The following SLC8A1 variants were observed in gnomAD, a reference collection of about 807,000 sequenced individuals.
SLC8A1 encodes sodium/calcium exchanger 1.
SLC8A1 carries 18 observed loss-of-function variants against 68.3 expected under a neutral mutation model. The ratio of observed to expected loss-of-function variants is 0.26; its 90% CI spans 0.18 to 0.39. SLC8A1 has a LOEUF of 0.39. Among genes scored for constraint, SLC8A1 ranks in the 10% least tolerant of loss-of-function variants. The probability of loss-of-function intolerance (pLI) is 1.00; values close to 1 mark genes in which losing one functional copy is unlikely to be tolerated. For missense variants in SLC8A1, 985 were observed against 1,156.7 expected, an observed-to-expected ratio of 0.85 and a Z score of 2.15; for synonymous variants, 475 against 415.5, an observed-to-expected ratio of 1.14 and a Z score of -1.74.
In SLC8A1 at chr2:40,413,733, A is replaced by G. The variant is rs1692931662; in HGVS notation, c.1808+14740T>C. 2.6e-5 allele frequency among the ~76,000 whole-genome samples: 4 copies of G among 152,230 alleles called. No individual in the cohort carries two copies. In the South Asian group the frequency reaches 8.3e-4, roughly 31 times the overall value. Reference sequence around the variant, plus strand: ...TCTTTAAGAGGGAGCTCAAAGGCATACAGAAGTATAAGACATGCCAAGAAG... The same window carrying G: ...TCTTTAAGAGGGAGCTCAAAGGCATGCAGAAGTATAAGACATGCCAAGAAG... On this transcript the variant is annotated intron_variant, in intron 2 of 7. Coordinates refer to ENST00000406785, the Ensembl canonical transcript of SLC8A1.
chr2:40,215,178 T>A (rs1341480366), intron 2 of SLC8A1, among the ~76,000 whole-genome samples: 1 of 152,146 alleles, frequency 6.6e-6, no homozygotes, highest in East Asian at 1.9e-4. Flanking sequence ...TTAATATTAT[T>A]ATCTTTAGAG....
chr2:40,460,442 C>T (rs1313849238), intron 1 of SLC8A1, among the ~76,000 whole-genome samples: 1 of 152,002 alleles, frequency 6.6e-6, no homozygotes. Flanking sequence ...TTAAGTCATT[C>T]CAGCTGCAAA....
intron 1 of SLC8A1, among the ~76,000 whole-genome samples, chr2:40,475,742 CTGAAGGATCT>C (rs1704263531): frequency 6.6e-6 from 1 of 151,934 alleles, no homozygotes; most frequent in African/African-American, 2.4e-5. Flanking sequence ...TCTTTAGTTG[CTGAAGGATCT>C]CAAAATCACA....
intron 2 of SLC8A1, among the ~76,000 whole-genome samples, chr2:40,365,145 C>A (rs1420948826): frequency 6.6e-6 from 1 of 151,666 alleles, no homozygotes; most frequent in Non-Finnish European, 1.5e-5. Flanking sequence ...AAATGCTTTA[C>A]CTTATTTGAA....
At chr2:40,345,928 G>A (rs1488545636) in intron 2 of SLC8A1, among the ~76,000 whole-genome samples, 1 of 151,726 alleles carries the variant, frequency 6.6e-6, no homozygotes, top group African/African-American at 2.4e-5. Flanking sequence ...AGGTTGACAG[G>A]TGCAGCAAAC....
At chr2:40,404,967 C>T (rs1169005962) in intron 2 of SLC8A1, among the ~76,000 whole-genome samples, 2 of 152,148 alleles carry the variant, frequency 1.3e-5, no homozygotes, top group Admixed American at 6.6e-5. Flanking sequence ...TTGTCAAATA[C>T]TTGTATCCAG....
chr2:40,363,038 C>A (rs1420090647), intron 2 of SLC8A1, among the ~76,000 whole-genome samples: 3 of 152,028 alleles, frequency 2.0e-5, no homozygotes, highest in Non-Finnish European at 2.9e-5. Flanking sequence ...TAATCATTTC[C>A]CCACCACCCC....
At chr2:40,179,611 C>G (rs1342566134) in intron 2 of SLC8A1, among the ~76,000 whole-genome samples, 1 of 152,162 alleles carries the variant, frequency 6.6e-6, no homozygotes, top group Non-Finnish European at 1.5e-5. Flanking sequence ...CAATTCTGAT[C>G]AATGTTTTTG....
At chr2:40,224,617 C>T (rs1332664260) in intron 2 of SLC8A1, among the ~76,000 whole-genome samples, 3 of 152,048 alleles carry the variant, frequency 2.0e-5, no homozygotes, top group Non-Finnish European at 4.4e-5. Flanking sequence ...AACCCATCAC[C>T]CACTAGACAA....
intron 2 of SLC8A1, among the ~76,000 whole-genome samples, chr2:40,230,274 T>C (rs1184783442): frequency 2.0e-5 from 3 of 152,224 alleles, no homozygotes; most frequent in Non-Finnish European, 4.4e-5. Context: ...ATAGAAATCC[T>C]TGGCTCCAAA....
intron 2 of SLC8A1, among the ~76,000 whole-genome samples, chr2:40,347,218 C>G (rs907073177): frequency 6.6e-6 from 1 of 152,170 alleles, no homozygotes; most frequent in African/African-American, 2.4e-5. Context: ...CACTGCAGCC[C>G]CAAACCACTG....
intron 2 of SLC8A1, 48 bp downstream of exon 2, chr2:40,428,425 A>C (rs1323718020): frequency 4.3e-4 from 5 of 11,606 alleles, no homozygotes; most frequent in South Asian, 1.5e-3. Context: ...ACACTGAACC[A>C]CACACACACA....
At position 40,287,582 on chromosome 2, in the gene SLC8A1, A is replaced by ATGTGTGTGTGTGTGTGTGTGTGTGTGTG. The variant is rs10522914; in HGVS notation, c.1809-109755_1809-109728dup. Among the ~76,000 whole-genome samples, 1,198 of 127,502 alleles carry ATGTGTGTGTGTGTGTGTGTGTGTGTGTG rather than the reference A, an allele frequency of 9.4e-3. 52 individuals are homozygous for ATGTGTGTGTGTGTGTGTGTGTGTGTGTG. Among genetic ancestry groups the ATGTGTGTGTGTGTGTGTGTGTGTGTGTG allele is most frequent in the East Asian group, 0.023 (88 of 3,822 alleles). 83.6% of individuals were successfully genotyped at this position (127,502 alleles called of 152,430 possible). A position where few individuals can be genotyped will look rare whatever the true frequency, so the allele number is the denominator to read the frequency against. ...TTTCAGCGGACTTGGCAGAGGAATG[A>ATGTGTGTGTGTGTGTGTGTGTGTGTGTG]TGTGTGTGTGTGTGTGTGTGTGTGT... On this transcript the variant is annotated intron_variant, in intron 2 of 7. Transcript: ENST00000406785.
chr2:40,105,635 G>A (rs578101455), exon 8 of SLC8A1: 4 of 152,266 alleles, frequency 2.6e-5, no homozygotes, highest in South Asian at 2.1e-4. Context: ...AATTGGTCAC[G>A]GCAACAAGTT....
chr2:40,510,199 A>G (rs1706630144), intron 1 of SLC8A1, among the ~76,000 whole-genome samples: 1 of 152,138 alleles, frequency 6.6e-6, no homozygotes, highest in Non-Finnish European at 1.5e-5. Context: ...TCAAAATATG[A>G]TTTCTTTAAG....
rs2047426758 is a variant in SLC8A1, at chr2:40,171,175, C to A, written c.1930+3650G>T. Among the ~76,000 whole-genome samples, 3 of 152,210 alleles carry A rather than the reference C, an allele frequency of 2.0e-5. No individual in the cohort carries two copies. The South Asian group carries it at 6.2e-4, about 32-fold the overall frequency. ...GTCTTTCTCCTCTCTGACTCTCAGG[C>A]TTCTCAGTTATAAAGTGAAGCTGAA... On this transcript the variant is annotated intron_variant, in intron 4 of 7. Transcript: ENST00000406785.
intron 2 of SLC8A1, among the ~76,000 whole-genome samples, chr2:40,345,575 G>T (rs1173978721): frequency 6.6e-6 from 1 of 152,040 alleles, no homozygotes; most frequent in Admixed American, 6.6e-5. Flanking sequence ...AAAAGAAACA[G>T]CAAATTTGTG....
chr2:40,455,034 C>T (rs1042245849), upstream of SLC8A1, among the ~76,000 whole-genome samples: 7 of 152,208 alleles, frequency 4.6e-5, no homozygotes, highest in African/African-American at 1.7e-4. Context: ...TTAAGAGTCA[C>T]CGGGTCTCCA....
intron 2 of SLC8A1, among the ~76,000 whole-genome samples, chr2:40,222,704 C>G (rs1304995029): frequency 6.6e-6 from 1 of 152,034 alleles, no homozygotes; most frequent in Non-Finnish European, 1.5e-5. Context: ...AAAAAGTGGG[C>G]AAAGGATATG....
Sources: gnomAD v4.1 joint callset for allele counts (sites outside exome capture counted in the v4.1 genomes callset) on GRCh38, gnomAD v4.1.1 for gene constraint, MANE v1.5 for transcripts, NCBI Gene and HGNC (gene_info 2026-07-23, HGNC 2026-07-21) for gene names.